SLC2A13: variants seen among roughly 807,000 people sequenced by gnomAD.
SLC2A13 encodes the protein solute carrier family 2 member 13, also known as proton myo-inositol cotransporter.
Under a neutral mutation model 64.4 loss-of-function variants are expected in SLC2A13, and 32 were observed. The ratio of observed to expected loss-of-function variants is 0.50; its 90% confidence interval spans 0.37 to 0.67. The LOEUF (loss-of-function observed/expected upper bound fraction) is 0.67, where lower values mean the gene tolerates loss of function less well. SLC2A13 is among the 30% of genes least tolerant of loss of function. SLC2A13 has a pLI of 0.00. For synonymous variants in SLC2A13, 338 were observed against 327.1 expected (o/e 1.03, Z -0.36); for missense variants, 743 against 829.2 (o/e 0.90, Z 1.28).
At chr12:39,808,294 A>G (rs1203524362) in intron 7 of SLC2A13, among the ~76,000 whole-genome samples, 3 of 152,146 alleles carry the variant, frequency 2.0e-5, no homozygotes, top group Non-Finnish European at 4.4e-5. Context: ...CCTTCCATCT[A>G]TCTGGGTAGT....
At chr12:39,846,260 A>C (rs1463639968) in intron 6 of SLC2A13, among the ~76,000 whole-genome samples, 1 of 152,146 alleles carries the variant, frequency 6.6e-6, no homozygotes, top group Admixed American at 6.5e-5. Flanking sequence ...ACCTTTGACC[A>C]TAAGGAATTA....
At chr12:39,874,431 T>C (rs1944129304) in intron 4 of SLC2A13, among the ~76,000 whole-genome samples, 1 of 151,986 alleles carries the variant, frequency 6.6e-6, no homozygotes, top group Non-Finnish European at 1.5e-5. Flanking sequence ...CTGGCCAACA[T>C]GGTGAAACCC....
intron 3 of SLC2A13, among the ~76,000 whole-genome samples, chr12:40,003,420 G>A (rs1382644957): frequency 6.6e-6 from 1 of 152,176 alleles, no homozygotes; most frequent in Non-Finnish European, 1.5e-5. Context: ...ACCAAAAAGT[G>A]AGTGGGCGCT....
intron 6 of SLC2A13, among the ~76,000 whole-genome samples, chr12:39,860,643 C>G (rs1943735285): frequency 6.6e-6 from 1 of 152,164 alleles, no homozygotes; most frequent in Middle Eastern, 3.2e-3. Context: ...ATGATTTAGT[C>G]CACCTTTTTT....
intron 7 of SLC2A13, among the ~76,000 whole-genome samples, chr12:39,784,056 C>T (rs1308536490): frequency 6.6e-6 from 1 of 152,180 alleles, no homozygotes; most frequent in South Asian, 2.1e-4. Flanking sequence ...CTACAAACCA[C>T]TGCTCAACGA....
At chr12:39,920,166 A>G (rs1184638796) in intron 4 of SLC2A13, among the ~76,000 whole-genome samples, 1 of 152,070 alleles carries the variant, frequency 6.6e-6, no homozygotes, top group Non-Finnish European at 1.5e-5. Context: ...AGCTTTTCCA[A>G]TATTCAGAGT....
chr12:39,789,660 C>G (rs752745498), intron 7 of SLC2A13, among the ~76,000 whole-genome samples: 1 of 152,116 alleles, frequency 6.6e-6, no homozygotes, highest in Middle Eastern at 3.2e-3. Context: ...CATTAAGATT[C>G]TCACTAGCAG....
At chr12:39,870,226 T>C (rs967177406) in intron 5 of SLC2A13, among the ~76,000 whole-genome samples, 4 of 152,198 alleles carry the variant, frequency 2.6e-5, no homozygotes, top group Non-Finnish European at 5.9e-5. Flanking sequence ...GGTAGCAATA[T>C]ACTGGAGTTC....
chr12:39,833,779 TC>T, intron 6 of SLC2A13, among the ~76,000 whole-genome samples: 1 of 151,980 alleles, frequency 6.6e-6, no homozygotes, highest in East Asian at 1.9e-4. Flanking sequence ...TCCACAAATT[TC>T]TTAGAAGATG....
chr12:39,911,605 A>C (rs1459261950), intron 4 of SLC2A13, among the ~76,000 whole-genome samples: 1 of 152,068 alleles, frequency 6.6e-6, no homozygotes, highest in South Asian at 2.1e-4. Context: ...CAGTACCCCA[A>C]ATTCACATTT....
At chr12:39,955,781 A>C (rs932870586) in intron 3 of SLC2A13, among the ~76,000 whole-genome samples, 2 of 152,166 alleles carry the variant, frequency 1.3e-5, no homozygotes, top group Non-Finnish European at 2.9e-5. Flanking sequence ...GAGAAGACAA[A>C]TGCAGAGATT....
At chr12:39,785,659 C>A (rs1003276861) in intron 7 of SLC2A13, among the ~76,000 whole-genome samples, 3 of 152,214 alleles carry the variant, frequency 2.0e-5, no homozygotes, top group East Asian at 3.9e-4. Flanking sequence ...CCTGGAAAAG[C>A]CACAGACACT....
intron 2 of SLC2A13, 22 bp downstream of exon 2, chr12:40,048,029 A>T (rs1427543227): frequency 6.4e-7 from 1 of 1,559,968 alleles, no homozygotes; most frequent in East Asian, 2.3e-5. Context: ...TGAAAAATTA[A>T]ATGTAAAAAG....
intron 1 of SLC2A13, among the ~76,000 whole-genome samples, chr12:40,056,437 C>T (rs1948334825): frequency 6.6e-6 from 1 of 152,142 alleles, no homozygotes; most frequent in Non-Finnish European, 1.5e-5. Flanking sequence ...GGAAAGATCA[C>T]TGTATGAAGT....
chr12:39,786,359 T>C (rs1941185109), intron 7 of SLC2A13, among the ~76,000 whole-genome samples: 1 of 152,232 alleles, frequency 6.6e-6, no homozygotes. Context: ...GTAAGAAGTG[T>C]CTTTCATCTC....
intron 3 of SLC2A13, among the ~76,000 whole-genome samples, chr12:39,973,384 C>T (rs1368236308): frequency 6.6e-6 from 1 of 152,190 alleles, no homozygotes; most frequent in Non-Finnish European, 1.5e-5. Context: ...CTGGATTCAG[C>T]TTTGCTTCCT....
chr12:40,092,322 G>A (rs1938795388), intron 1 of SLC2A13, among the ~76,000 whole-genome samples: 1 of 152,310 alleles, frequency 6.6e-6, no homozygotes, highest in East Asian at 1.9e-4. Flanking sequence ...ATTAAGACCA[G>A]TGTTTTAATT....
At chr12:39,896,163 T>C (rs1045461780) in intron 4 of SLC2A13, among the ~76,000 whole-genome samples, 3 of 149,120 alleles carry the variant, frequency 2.0e-5, no homozygotes, top group African/African-American at 7.3e-5. Context: ...TACACGTGTA[T>C]ACATATATGA....
intron 3 of SLC2A13, among the ~76,000 whole-genome samples, chr12:39,998,735 T>C (rs1173072297): frequency 1.3e-5 from 2 of 152,094 alleles, no homozygotes; most frequent in Non-Finnish European, 2.9e-5. Flanking sequence ...GACTTTTGAG[T>C]TAATGCTGAG....
Sources: gnomAD v4.1 joint callset for allele counts (sites outside exome capture counted in the v4.1 genomes callset) on GRCh38, gnomAD v4.1.1 for gene constraint, MANE v1.5 for transcripts, NCBI Gene and HGNC (gene_info 2026-07-23, HGNC 2026-07-21) for gene names.